The following EPGN variants were observed in gnomAD, a reference collection of about 807,000 sequenced individuals.
EPGN encodes epigen.
Under a neutral mutation model 20.7 loss-of-function variants are expected in EPGN, and 21 were observed. The ratio of observed to expected loss-of-function variants is 1.01; its 90% CI spans 0.72 to 1.46. The LOEUF (loss-of-function observed/expected upper bound fraction) is 1.46. Among genes scored for constraint, EPGN ranks in the 40% most tolerant of loss-of-function variants. The pLI, the probability that EPGN is intolerant of heterozygous loss-of-function variation, is 0.00. For synonymous variants in EPGN, 69 were observed against 63.8 expected, an observed-to-expected ratio of 1.08 and a Z score of -0.39; for missense variants, 199 against 180.7, an observed-to-expected ratio of 1.10 and a Z score of -0.58.
rs763993644 is a variant in EPGN at position 74,309,085 on chromosome 4, T to G, written c.44-8T>G. 30 of 1,610,696 alleles carry G rather than the reference T, an allele frequency of 1.9e-5. No homozygotes were observed. The highest frequency in any genetic ancestry group is 2.2e-5 in the Non-Finnish European group (26 of 1,177,890). ...TCTGTTAAAGATGCTTTTGCCCCCT[T>G]AATACAGCAATGACAGCACTGACCG... On this transcript the variant is annotated splice_polypyrimidine_tract_variant and splice_region_variant and intron_variant, in intron 1 of 4. Coordinates refer to ENST00000413830, the MANE Select transcript of EPGN (RefSeq NM_001270989.2).
At position 74,315,013 on chromosome 4, in the gene EPGN, G is replaced by A; in HGVS notation, c.*376G>A. On this transcript the variant is annotated 3_prime_UTR_variant, in exon 5 of 5. Coordinates refer to ENST00000413830, the MANE Select transcript of EPGN (RefSeq NM_001270989.2). Reference sequence around the variant, plus strand: ...GCAAGCCAAAGCAATGCCTCGCTTGGGTTCTTCATGTTCTTACTACCCAGC... The same window carrying A: ...GCAAGCCAAAGCAATGCCTCGCTTGAGTTCTTCATGTTCTTACTACCCAGC... 1 of 204,912 alleles carries A rather than the reference G, an allele frequency of 4.9e-6. No individual in the cohort carries two copies. The allele number at this position is 204,912 out of a possible 1,614,324, so 12.7% of individuals were successfully genotyped here. A position where few individuals can be genotyped will look rare whatever the true frequency, so the allele number is the denominator to read the frequency against.
rs868302602 is a variant in EPGN, at chr4:74,312,225, C to A, written c.174C>A (p.His58Gln). 9 of 1,613,162 alleles carry A rather than the reference C, an allele frequency of 5.6e-6. No homozygotes were observed. The highest frequency in any genetic ancestry group is 7.6e-6 in the Non-Finnish European group (9 of 1,179,496). ...IEGPIALKFS[H>Q]LCLEDHNSYC... ...GACCCATAGCCTTGAAGTTCTCACA[C>A]CTTTGCCTGGAAGATCATAACAGTT... Residue 58 changes from histidine to glutamine, a missense_variant, in exon 3 of 5, where the codon CAC becomes CAA. By Grantham distance (24) the His-to-Gln change is conservative. Coordinates refer to ENST00000413830, the MANE Select transcript of EPGN (RefSeq NM_001270989.2).
At position 74,316,536 on chromosome 4, in the gene EPGN, A is replaced by C. The variant is rs561126318; in HGVS notation, c.*1899A>C. Among the ~76,000 whole-genome samples, 1 of 152,316 alleles carries C rather than the reference A, an allele frequency of 6.6e-6. No individual in the cohort carries two copies. The highest frequency in any genetic ancestry group is 1.5e-5 in the Non-Finnish European group (1 of 68,030). On this transcript the variant is annotated 3_prime_UTR_variant, in exon 5 of 5. Coordinates refer to ENST00000413830, the MANE Select transcript of EPGN (RefSeq NM_001270989.2). ...ATTTAACTTGTTTTGTTTTTCCTTCAGAAGGAATTTAATGCAAACGGATTG... is the reference window on the plus strand; with the variant it reads ...ATTTAACTTGTTTTGTTTTTCCTTCCGAAGGAATTTAATGCAAACGGATTG...
chr4:74,308,696 A>C, intron 1 of EPGN, 120 bp downstream of exon 1: 1 of 783,720 alleles, frequency 1.3e-6, no homozygotes, highest in Non-Finnish European at 2.0e-6. Flanking sequence ...CAAAGATCAG[A>C]GTAATGAATC....
chr4:74,313,355 A>C, intron 4 of EPGN, 185 bp downstream of exon 4: 1 of 1,396,870 alleles, frequency 7.2e-7, no homozygotes, highest in Non-Finnish European at 9.2e-7. Flanking sequence ...ACGAGTGGTA[A>C]AAATTTGCCT....
chr4:74,309,629 T>G lies in EPGN; in HGVS notation c.133+447T>G, dbSNP rs561730165. Among the ~76,000 whole-genome samples, 18 of 152,344 alleles carry G rather than the reference T, an allele frequency of 1.2e-4. No individual in the cohort carries two copies. The South Asian group carries it at 3.7e-3, about 32-fold the overall frequency. On this transcript the variant is annotated intron_variant, in intron 2 of 4. Coordinates refer to ENST00000413830, the MANE Select transcript of EPGN (RefSeq NM_001270989.2). ...TTTGGAATGACCTTTTTTTCTTGTT[T>G]GCTTTGGAGTTTTTGTTGTTATTTT...
At chr4:74,310,566 A>AT (rs575639603) in intron 2 of EPGN, among the ~76,000 whole-genome samples, 3 of 151,454 alleles carry the variant, frequency 2.0e-5, no homozygotes, top group Admixed American at 6.6e-5. Flanking sequence ...TCAGTACTAA[A>AT]TTTTTTTTTC....
At chr4:74,314,546 T>C (rs1578792086) in intron 4 of EPGN, 34 bp from the exon 5 acceptor site, 9 of 1,534,214 alleles carry the variant, frequency 5.9e-6, no homozygotes, top group African/African-American at 2.7e-5. Context: ...TGAACCACAG[T>C]CAAATTCATA....
At chr4:74,312,875 G>A (rs769600590) in intron 3 of EPGN, 143 bp from the exon 4 acceptor site, 65 of 689,256 alleles carry the variant, frequency 9.4e-5, no homozygotes, top group South Asian at 3.5e-4. Context: ...TTCATTGCCC[G>A]TAACAGATTG....
At chr4:74,310,559 G>T (rs1750870216) in intron 2 of EPGN, among the ~76,000 whole-genome samples, 1 of 150,880 alleles carries the variant, frequency 6.6e-6, no homozygotes, top group African/African-American at 2.4e-5. Flanking sequence ...AGCATGCTCA[G>T]TACTAAATTT....
At chr4:74,311,047 G>T (rs1243882397) in intron 2 of EPGN, among the ~76,000 whole-genome samples, 4 of 151,424 alleles carry the variant, frequency 2.6e-5, no homozygotes, top group Non-Finnish European at 4.4e-5. Context: ...TTTTCCTTTT[G>T]TTTTTTATCT....
rs760644948 is a variant in EPGN at position 74,313,132 on chromosome 4, T to C, written c.369T>C (p.Ser123=). 2 of 1,612,172 alleles carry C rather than the reference T, an allele frequency of 1.2e-6. No homozygotes were observed. Among genetic ancestry groups the C allele is most frequent in the East Asian group, 4.5e-5 (2 of 44,766 alleles). The change falls in exon 4 of 5, where the codon AGT becomes AGC. Residue 123 remains serine (S), a synonymous_variant. Coordinates refer to ENST00000413830, the MANE Select transcript of EPGN (RefSeq NM_001270989.2). ...GGATTGGTGTTGGATTACTATTAAG[T>C]GGTTTTCTTGTTATTTTTTACTGCT... ...AIGIGVGLLL[S]GFLVIFYCYI...
In EPGN at chr4:74,314,704, G is replaced by T. The variant is rs1751185405; in HGVS notation, c.*67G>T. On this transcript the variant is annotated 3_prime_UTR_variant, in exon 5 of 5. Coordinates refer to ENST00000413830, the MANE Select transcript of EPGN (RefSeq NM_001270989.2). The stretch of plus-strand genomic sequence containing the variant: ...AGTGAGCCCAAAATTAAAGTTTTCA[G>T]ATGAAACAACAAAACTTGTCAAGCT... 5.0e-6 allele frequency: 7 copies of T among 1,402,570 alleles called. No individual in the cohort carries two copies. The highest frequency in any genetic ancestry group is 5.8e-6 in the Non-Finnish European group (6 of 1,034,792). 86.9% of individuals were successfully genotyped at this position (1,402,570 alleles called of 1,614,324 possible). A position where few individuals can be genotyped will look rare whatever the true frequency, so the allele number is the denominator to read the frequency against.
Position 74,314,820 on chromosome 4 carries a change from A to G in EPGN, c.*183A>G. The G allele has an allele frequency of 1.7e-6, 1 of 601,602 alleles. No homozygotes were observed. The highest frequency in any genetic ancestry group is 2.9e-6 in the Non-Finnish European group (1 of 345,922). The allele number at this position is 601,602 out of a possible 1,614,324, so 37.3% of individuals were successfully genotyped here. ...CCTTTAGACTTTGCCATCCTTAAGG[A>G]GTGATGGAAGCCAAGTGAACAAGCC... On this transcript the variant is annotated 3_prime_UTR_variant, in exon 5 of 5. Coordinates refer to ENST00000413830, the MANE Select transcript of EPGN (RefSeq NM_001270989.2).
Position 74,315,959 on chromosome 4 carries a change from A to C in EPGN, c.*1322A>C, listed in dbSNP as rs1246075122. On this transcript the variant is annotated 3_prime_UTR_variant, in exon 5 of 5. Coordinates refer to ENST00000413830, the MANE Select transcript of EPGN (RefSeq NM_001270989.2). ...AAGAGCGAAACTCCATCTCAAAAAA[A>C]AAAAAAAAAATCAGTATCCTTCCTC... Among the ~76,000 whole-genome samples the C allele has an allele frequency of 6.6e-6, 1 of 151,998 alleles. No individual in the cohort carries two copies. Among genetic ancestry groups the C allele is most frequent in the African/African-American group, 2.4e-5 (1 of 41,354 alleles).
rs933709979 is a variant in EPGN at position 74,313,500 on chromosome 4, T to C, written c.407+330T>C. The C allele has an allele frequency of 6.8e-6, 8 of 1,168,866 alleles. No homozygotes were observed. In the Admixed American group the frequency reaches 1.3e-4, roughly 19 times the overall value. 72.4% of individuals were successfully genotyped at this position (1,168,866 alleles called of 1,614,324 possible). Reference sequence around the variant, plus strand: ...TAAGTATGTCTTGTTCAAAATTGTATATTCAGTGACTTACACTATGCCTAG... The same window carrying C: ...TAAGTATGTCTTGTTCAAAATTGTACATTCAGTGACTTACACTATGCCTAG... On this transcript the variant is annotated intron_variant, in intron 4 of 4. Transcript: ENST00000413830.
intron 3 of EPGN, 73 bp from the exon 4 acceptor site, chr4:74,312,945 A>C: frequency 8.1e-7 from 1 of 1,234,476 alleles, no homozygotes; most frequent in Non-Finnish European, 1.1e-6. Flanking sequence ...ATTTTTTTAA[A>C]TTTATTGAAA....
In EPGN at chr4:74,314,631, A is replaced by C. The variant is rs745916334; in HGVS notation, c.459A>C (p.Pro153=). The C allele has an allele frequency of 1.3e-6, 2 of 1,536,058 alleles. No homozygotes were observed. Among genetic ancestry groups the C allele is most frequent in the South Asian group, 2.4e-5 (2 of 84,062 alleles). The change falls in exon 5 of 5, where the codon CCA becomes CCC. Residue 153 remains proline, a synonymous_variant. Coordinates refer to ENST00000413830, the MANE Select transcript of EPGN (RefSeq NM_001270989.2). ...PYNVCSGERR[P]L ...ATGTCTGTTCTGGAGAAAGACGACC[A>C]CTGTGAGGCCTTTGTGAAGAATTTT... is the stretch of plus-strand genomic sequence containing the variant.
At chr4:74,309,568 ATTATGG>A (rs1750760257) in intron 2 of EPGN, among the ~76,000 whole-genome samples, 3 of 139,894 alleles carry the variant, frequency 2.1e-5, no homozygotes, top group African/African-American at 1.0e-4. Context: ...TGCCAAAGAC[ATTATGG>A]CTACAAGATG....
Sources: allele counts gnomAD v4.1 joint callset (sites outside exome capture counted in the v4.1 genomes callset), GRCh38; gene constraint gnomAD v4.1.1; transcripts MANE v1.5; gene names NCBI Gene and HGNC (gene_info 2026-07-23, HGNC 2026-07-21).